CHN2: variants seen among roughly 807,000 people sequenced by gnomAD.
CHN2 encodes chimerin 2, also known as beta-chimaerin.
A neutral mutation model predicts 56.3 loss-of-function variants in CHN2; 35 were observed. The observed-to-expected ratio is 0.62, with a 90% CI of 0.47 to 0.82. CHN2 has a LOEUF of 0.82. CHN2 is among the 40% of genes least tolerant of loss of function. The pLI, the probability that CHN2 is intolerant of heterozygous loss-of-function variation, is 0.00. For missense variants in CHN2, 491 were observed against 580.5 expected (o/e 0.85, Z 1.58); for synonymous variants, 210 against 212.8 (o/e 0.99, Z 0.12).
At chr7:29,496,087 G>C in intron 8 of CHN2, 51 bp downstream of exon 8, 1 of 1,445,112 alleles carries the variant, frequency 6.9e-7, no homozygotes, top group East Asian at 2.3e-5. Flanking sequence ...CCACTGTGCT[G>C]AGCTGGAGGA....
chr7:29,172,524 T>C (rs1218363545), intron 2 of CHN2, among the ~76,000 whole-genome samples: 1 of 152,224 alleles, frequency 6.6e-6, no homozygotes, highest in Non-Finnish European at 1.5e-5. Flanking sequence ...TTGGAATCAA[T>C]TTGATTTCCC....
At chr7:29,322,114 G>C (rs897525306) in intron 1 of CHN2, among the ~76,000 whole-genome samples, 1 of 152,154 alleles carries the variant, frequency 6.6e-6, no homozygotes, top group African/African-American at 2.4e-5. Context: ...GGAAAATGAA[G>C]TAATATGAGG....
chr7:29,154,165 C>G (rs969820397), intron 2 of CHN2, among the ~76,000 whole-genome samples: 13 of 152,120 alleles, frequency 8.5e-5, no homozygotes, highest in African/African-American at 2.9e-4. Flanking sequence ...ACAGTTGCCC[C>G]TGGGGAGGAG....
chr7:29,441,204 G>C (rs1018007402), intron 6 of CHN2, among the ~76,000 whole-genome samples: 1 of 152,140 alleles, frequency 6.6e-6, no homozygotes, highest in African/African-American at 2.4e-5. Context: ...CATTCAATGG[G>C]AGAAAGAATG....
chr7:29,482,733 CAAAT>C (rs1413157866), intron 7 of CHN2, among the ~76,000 whole-genome samples: 2 of 140,398 alleles, frequency 1.4e-5, no homozygotes, highest in East Asian at 2.1e-4. Flanking sequence ...ATAAAAAGAA[CAAAT>C]AATCACATTT....
At chr7:29,383,870 T>C (rs143563327) in intron 3 of CHN2, among the ~76,000 whole-genome samples, 49 of 152,172 alleles carry the variant, frequency 3.2e-4, no homozygotes, top group African/African-American at 1.2e-3. Flanking sequence ...GATTGGAAGG[T>C]GATAAAAGGA....
chr7:29,282,452 T>A (rs1400900924), intron 1 of CHN2, among the ~76,000 whole-genome samples: 1 of 152,242 alleles, frequency 6.6e-6, no homozygotes, highest in Non-Finnish European at 1.5e-5. Flanking sequence ...CATTATATGT[T>A]ACATTGACAA....
chr7:29,233,824 G>GTTTTTTTTTTTTTT (rs1584812326), intron 1 of CHN2, among the ~76,000 whole-genome samples: 2 of 81,788 alleles, frequency 2.4e-5, no homozygotes, highest in Non-Finnish European at 4.8e-5. Flanking sequence ...CCAACACCTT[G>GTTTTTTTTTTTTTT]ATTTTTTTTT....
intron 1 of CHN2, among the ~76,000 whole-genome samples, chr7:29,244,321 A>G (rs1374064055): frequency 6.6e-6 from 1 of 152,202 alleles, no homozygotes. Context: ...TAAGACCATG[A>G]AGCATACAAT....
At chr7:29,469,428 G>T (rs767749160) in intron 6 of CHN2, among the ~76,000 whole-genome samples, 3 of 152,192 alleles carry the variant, frequency 2.0e-5, no homozygotes, top group Non-Finnish European at 4.4e-5. Flanking sequence ...ACGTCACTCA[G>T]AGTGAAAGTG....
Position 29,408,639 on chromosome 7 carries a change from A to G in CHN2, c.576+7811A>G, listed in dbSNP as rs553682373. 5.9e-5 allele frequency among the ~76,000 whole-genome samples: 9 copies of G among 152,266 alleles called. No homozygotes were observed. In the South Asian group the frequency reaches 1.9e-3, roughly 32 times the overall value. ...GAGATTATTGCCTGAAATATAAATG[A>G]TGGGAAACAATTAACTGAAGTGGGA... On this transcript the variant is annotated intron_variant, in intron 6 of 12. Transcript: ENST00000222792.
intron 2 of CHN2, among the ~76,000 whole-genome samples, chr7:29,152,249 A>C (rs1339795470): frequency 6.6e-6 from 1 of 152,196 alleles, no homozygotes; most frequent in East Asian, 1.9e-4. Context: ...GTTGCTTTTT[A>C]TGCGTGGCAG....
In CHN2 at chr7:29,499,634, T is replaced by C. The variant is rs564898026; in HGVS notation, c.740-233T>C. ...CTAAGCTGTCTCAGATGTTCTGTTC[T>C]TAAGGTCCAGCGACAGAGAAGGCTT... On this transcript the variant is annotated intron_variant, in intron 8 of 12. Coordinates refer to ENST00000222792, the MANE Select transcript of CHN2 (RefSeq NM_004067.4). Among the ~76,000 whole-genome samples the C allele has an allele frequency of 4.5e-4, 69 of 152,308 alleles. 2 individuals are homozygous for C. In the South Asian group the frequency reaches 0.013, roughly 28 times the overall value.
At chr7:29,168,444 C>T (rs892743906) in intron 2 of CHN2, among the ~76,000 whole-genome samples, 14 of 152,144 alleles carry the variant, frequency 9.2e-5, no homozygotes, top group African/African-American at 3.1e-4. Context: ...GTAGCCATAC[C>T]CAGCTTCTAT....
chr7:29,463,554 G>A (rs547977119), intron 6 of CHN2, among the ~76,000 whole-genome samples: 2 of 152,310 alleles, frequency 1.3e-5, no homozygotes, highest in East Asian at 3.9e-4. Flanking sequence ...GACTCAGATT[G>A]TTTAAGATGT....
chr7:29,243,985 A>G (rs893244885), intron 1 of CHN2, among the ~76,000 whole-genome samples: 1 of 152,182 alleles, frequency 6.6e-6, no homozygotes, highest in African/African-American at 2.4e-5. Context: ...GGATTGTTCT[A>G]TTGTTAACAC....
At chr7:29,308,968 T>A (rs1212689555) in intron 1 of CHN2, among the ~76,000 whole-genome samples, 1 of 152,196 alleles carries the variant, frequency 6.6e-6, no homozygotes, top group Non-Finnish European at 1.5e-5. Context: ...TGCACAAACC[T>A]GGCAATGCAA....
At chr7:29,189,459 AACTC>A (rs1484556331) in intron 2 of CHN2, among the ~76,000 whole-genome samples, 20 of 152,138 alleles carry the variant, frequency 1.3e-4, no homozygotes, top group Non-Finnish European at 2.6e-4. Context: ...ACGAAAAACA[AACTC>A]ACTCCCTGCT....
intron 2 of CHN2, among the ~76,000 whole-genome samples, chr7:29,161,452 C>T (rs1343791951): frequency 6.6e-6 from 1 of 152,154 alleles, no homozygotes; most frequent in East Asian, 1.9e-4. Flanking sequence ...CAGCTGGACC[C>T]CCTCTACTTA....
Sources: gnomAD v4.1 joint callset for allele counts (sites outside exome capture counted in the v4.1 genomes callset) on GRCh38, gnomAD v4.1.1 for gene constraint, MANE v1.5 for transcripts, NCBI Gene and HGNC (gene_info 2026-07-23, HGNC 2026-07-21) for gene names.